PSEN1: variants seen among roughly 807,000 people sequenced by gnomAD.
The protein encoded by PSEN1 is presenilin 1.
A neutral mutation model predicts 53.5 loss-of-function variants in PSEN1; 15 were observed. The observed-to-expected ratio is 0.28, with a 90% CI of 0.19 to 0.43. PSEN1 has a LOEUF of 0.43. Among genes scored for constraint, PSEN1 ranks in the 20% least tolerant of loss-of-function variants. PSEN1 has a pLI of 1.00. For synonymous variants in PSEN1, 208 were observed against 209.8 expected (o/e 0.99, Z 0.08); for missense variants, 387 against 571.2 (o/e 0.68, Z 3.29).
At chr14:73,217,845 G>T (rs1467591017) in intron 11 of PSEN1, among the ~76,000 whole-genome samples, 2 of 148,406 alleles carry the variant, frequency 1.3e-5, no homozygotes, top group Admixed American at 1.4e-4. Flanking sequence ...CCAGGCTGGA[G>T]TGGTGCAATC....
chr14:73,160,657 T>C (rs548786883), intron 3 of PSEN1, among the ~76,000 whole-genome samples: 2 of 152,176 alleles, frequency 1.3e-5, no homozygotes, highest in African/African-American at 2.4e-5. Context: ...TTTTCTTTTT[T>C]CCCCCCATAT....
At chr14:73,178,250 C>T (rs760061527) in intron 5 of PSEN1, among the ~76,000 whole-genome samples, 7 of 140,634 alleles carry the variant, frequency 5.0e-5, no homozygotes, top group African/African-American at 8.1e-5. Flanking sequence ...GACCGAGTCT[C>T]GCTTTGTCAC....
chr14:73,160,552 A>G (rs1328116876), intron 3 of PSEN1, among the ~76,000 whole-genome samples: 3 of 151,928 alleles, frequency 2.0e-5, no homozygotes, highest in Non-Finnish European at 2.9e-5. Flanking sequence ...TCACAACTTT[A>G]CCACCGCTTG....
chr14:73,197,948 C>T (rs1899021212), intron 7 of PSEN1, 83 bp from the exon 8 acceptor site: 2 of 759,274 alleles, frequency 2.6e-6, no homozygotes, highest in Admixed American at 2.1e-5. Flanking sequence ...AACTTTTTTC[C>T]TTCGTTAATT....
At chr14:73,160,842 C>T (rs948521700) in intron 3 of PSEN1, among the ~76,000 whole-genome samples, 2 of 119,944 alleles carry the variant, frequency 1.7e-5, no homozygotes, top group Admixed American at 1.2e-4. Flanking sequence ...GAGTCTCGCT[C>T]TGTCGCCCAT....
chr14:73,165,491 A>G (rs1312398024), intron 3 of PSEN1, among the ~76,000 whole-genome samples: 5 of 151,636 alleles, frequency 3.3e-5, no homozygotes. Context: ...CACGCCTTCA[A>G]TCCCAGCACT....
chr14:73,210,944 TGATA>T (rs1899653435), intron 9 of PSEN1, among the ~76,000 whole-genome samples: 1 of 152,212 alleles, frequency 6.6e-6, no homozygotes, highest in Admixed American at 6.5e-5. Context: ...TCAATGAGAT[TGATA>T]GTCATTATAA....
At chr14:73,193,734 G>A (rs1376659576) in intron 7 of PSEN1, among the ~76,000 whole-genome samples, 2 of 151,866 alleles carry the variant, frequency 1.3e-5, no homozygotes, top group Non-Finnish European at 2.9e-5. Context: ...ATAGCTCACT[G>A]CAACCTTGAA....
chr14:73,178,914 G>A (rs768097566), intron 5 of PSEN1, among the ~76,000 whole-genome samples: 2 of 152,150 alleles, frequency 1.3e-5, no homozygotes, highest in African/African-American at 2.4e-5. Context: ...CCAGTCACCA[G>A]TCTGGGACTG....
At chr14:73,162,441 T>TCA (rs1555351977) in intron 3 of PSEN1, among the ~76,000 whole-genome samples, 2 of 137,726 alleles carry the variant, frequency 1.5e-5, no homozygotes, top group East Asian at 2.2e-4. Flanking sequence ...TCTCGCTCGC[T>TCA]CGCGCGCTCT....
chr14:73,161,719 T>C (rs1897542413), intron 3 of PSEN1, among the ~76,000 whole-genome samples: 1 of 152,076 alleles, frequency 6.6e-6, no homozygotes, highest in African/African-American at 2.4e-5. Flanking sequence ...AGCCTTGGTG[T>C]CCGGGTCACA....
At chr14:73,151,638 C>T (rs1897226542) in intron 3 of PSEN1, among the ~76,000 whole-genome samples, 1 of 151,796 alleles carries the variant, frequency 6.6e-6, no homozygotes, top group African/African-American at 2.4e-5. Flanking sequence ...TCACTGCAAC[C>T]TCGACCTCCT....
chr14:73,181,171 G>A (rs1242474974), intron 5 of PSEN1, among the ~76,000 whole-genome samples: 1 of 152,168 alleles, frequency 6.6e-6, no homozygotes, highest in Non-Finnish European at 1.5e-5. Context: ...TGGGCGTGGT[G>A]GCTCACGCAT....
rs1321630048 is a variant in PSEN1 at position 73,152,974 on chromosome 14, T to C, written c.87+4868T>C. On this transcript the variant is annotated intron_variant, in intron 3 of 11. Transcript: ENST00000324501. ...AAGAGGATTGGTTTCAAGGTTCACCTGGGAGGTCAAAGCTGCATTCAGCCA... is the reference window on the plus strand; with the variant it reads ...AAGAGGATTGGTTTCAAGGTTCACCCGGGAGGTCAAAGCTGCATTCAGCCA... Among the ~76,000 whole-genome samples, 3 of 152,172 alleles carry C rather than the reference T, an allele frequency of 2.0e-5. No homozygotes were observed. In the East Asian group the frequency reaches 5.8e-4, roughly 29 times the overall value.
At position 73,219,128 on chromosome 14, in the gene PSEN1, C is replaced by T. The variant is rs1412956650; in HGVS notation, c.1249-6C>T. On this transcript the variant is annotated splice_polypyrimidine_tract_variant and splice_region_variant and intron_variant, in intron 11 of 11. Coordinates refer to ENST00000324501, the MANE Select transcript of PSEN1 (RefSeq NM_000021.4). ...TGAATGTGTGTCTTTCCCATCTTCTCCACAGGGTTTGTGCCTTACATTATT... is the reference window on the plus strand; with the variant it reads ...TGAATGTGTGTCTTTCCCATCTTCTTCACAGGGTTTGTGCCTTACATTATT... 1.2e-6 allele frequency: 2 copies of T among 1,613,840 alleles called. No homozygotes were observed. The highest frequency in any genetic ancestry group is 1.1e-5 in the South Asian group (1 of 91,072).
intron 3 of PSEN1, among the ~76,000 whole-genome samples, chr14:73,164,732 A>C (rs1442293435): frequency 6.6e-6 from 1 of 152,242 alleles, no homozygotes; most frequent in Non-Finnish European, 1.5e-5. Context: ...ATGATAACAT[A>C]AGTTAGAGAC....
At chr14:73,216,631 C>T (rs924884128) in intron 10 of PSEN1, among the ~76,000 whole-genome samples, 7 of 151,938 alleles carry the variant, frequency 4.6e-5, no homozygotes, top group African/African-American at 1.5e-4. Flanking sequence ...TGGTGGCATG[C>T]GCCTGTAATC....
chr14:73,182,519 A>G (rs1222008541), intron 5 of PSEN1, among the ~76,000 whole-genome samples: 1 of 151,864 alleles, frequency 6.6e-6, no homozygotes, highest in Non-Finnish European at 1.5e-5. Context: ...AAAAAAAAAT[A>G]TTTGGGGGCT....
At chr14:73,175,608 A>G (rs1004818054) in intron 5 of PSEN1, among the ~76,000 whole-genome samples, 1 of 152,058 alleles carries the variant, frequency 6.6e-6, no homozygotes, top group Non-Finnish European at 1.5e-5. Context: ...TGGTGTGAAC[A>G]TTTTTTCTAT....
Sources: allele counts gnomAD v4.1 joint callset (sites outside exome capture counted in the v4.1 genomes callset), GRCh38; gene constraint gnomAD v4.1.1; transcripts MANE v1.5; gene names NCBI Gene and HGNC (gene_info 2026-07-23, HGNC 2026-07-21).